The following CD99L2 variants were observed in gnomAD, a reference collection of about 807,000 sequenced individuals.
The protein encoded by CD99L2 is CD99 molecule like 2, also known as CD99 antigen-like protein 2.
In CD99L2, 24 loss-of-function variants were observed where a neutral mutation model predicts 27.3. That is an observed-to-expected ratio of 0.88 (90% CI 0.64 to 1.24). CD99L2 has a LOEUF of 1.24. CD99L2 is among the 50% of genes most tolerant of loss of function. The probability of loss-of-function intolerance (pLI) is 0.00; values close to 1 mark genes in which losing one functional copy is unlikely to be tolerated. For synonymous variants in CD99L2, 97 were observed against 87.9 expected (o/e 1.10, Z -0.58); for missense variants, 255 against 221.6 (o/e 1.15, Z -0.96).
intron 2 of CD99L2, among the ~76,000 whole-genome samples, chrX:150,818,310 T>C (rs182315385): frequency 2.9e-4 from 31 of 108,120 alleles, no homozygotes; most frequent in Non-Finnish European, 5.0e-4. Context: ...TCTACTCAAG[T>C]GCATGTGAAA....
intron 1 of CD99L2, among the ~76,000 whole-genome samples, chrX:150,894,578 T>C (rs1308206116): frequency 1.0e-5 from 1 of 99,148 alleles, no homozygotes; most frequent in Non-Finnish European, 1.9e-5. Flanking sequence ...GTTTTGTGTG[T>C]GTGTGTGTGT....
rs782154388 is a variant in CD99L2 at position 150,769,049 on chromosome X, T to G, written c.774A>C (p.Glu258Asp). 3.5e-6 allele frequency: 4 copies of G among 1,155,186 alleles called. No homozygotes were observed. The African/African-American group carries it at 7.5e-5, about 22-fold the overall frequency. The change falls in exon 11 of 11, where the codon GAA becomes GAC. Residue 258 changes from glutamate (E) to aspartate (D), a missense_variant. Physicochemically the swap from Glu to Asp is conservative, Grantham distance 45. Transcript: ENST00000370377. ...TQSAEPPPPP[E>D]PARI ...GACAGGGCCCTCAGATCCGGGCTGG[T>G]TCGGGCGGCGGCGGCGGCTCTGCAG...
At chrX:150,865,937 G>A (rs1039818535) in intron 1 of CD99L2, among the ~76,000 whole-genome samples, 32 of 111,267 alleles carry the variant, frequency 2.9e-4, no homozygotes, top group African/African-American at 9.8e-4. Context: ...CCTGGCCAAC[G>A]TAGTGAAAAC....
intron 1 of CD99L2, among the ~76,000 whole-genome samples, chrX:150,879,750 T>TTAAAAAAAAAA (rs1557422434): frequency 5.2e-5 from 1 of 19,388 alleles, no homozygotes; most frequent in Non-Finnish European, 8.6e-5. Flanking sequence ...CTACAAAAAC[T>TTAAAAAAAAAA]AAAAAAAAAA....
chrX:150,831,245 G>C lies in CD99L2; in HGVS notation c.116C>G (p.Thr39Ser). ...DFNLEDAVKE[T>S]SSVKQPWDHT... ...TTACTACTCACGCTTTACTGAGGAA[G>C]TTTCTTTCACTGCATCCTCCAGGTT... Residue 39 changes from threonine to serine, a missense_variant, in exon 2 of 11, where the codon ACT becomes AGT. Transcript: ENST00000370377. 1.7e-6 allele frequency: 2 copies of C among 1,204,273 alleles called. No homozygotes were observed. The highest frequency in any genetic ancestry group is 2.2e-6 in the Non-Finnish European group (2 of 890,874).
intron 4 of CD99L2, among the ~76,000 whole-genome samples, chrX:150,810,818 T>C (rs937294277): frequency 3.6e-5 from 4 of 111,963 alleles, no homozygotes; most frequent in African/African-American, 9.7e-5. Flanking sequence ...GGGAATATCA[T>C]TGACAAAAGT....
intron 4 of CD99L2, among the ~76,000 whole-genome samples, chrX:150,812,172 A>C (rs4828783): frequency 0.55 from 60,135 of 108,380 alleles, 15,267 homozygotes; most frequent in East Asian, 0.89. Context: ...GACACACACA[A>C]AAAAAAGTAT....
intron 2 of CD99L2, among the ~76,000 whole-genome samples, chrX:150,820,026 T>C (rs2046221872): frequency 8.9e-6 from 1 of 111,753 alleles, no homozygotes; most frequent in Non-Finnish European, 1.9e-5. Flanking sequence ...GCCAGTAGTA[T>C]GTTAATACCG....
rs2043339486 is a variant in CD99L2, at chrX:150,767,982, G to C, written c.*1052C>G. 8.9e-6 allele frequency: 1 copy of C among 112,130 alleles called. No individual in the cohort carries two copies. Among genetic ancestry groups the C allele is most frequent in the South Asian group, 3.7e-4 (1 of 2,712 alleles). 9.2% of individuals were successfully genotyped at this position (112,130 alleles called of 1,213,427 possible). A position where few individuals can be genotyped will look rare whatever the true frequency, so the allele number is the denominator to read the frequency against. The stretch of plus-strand genomic sequence containing the variant: ...TCCTGTGTTTGCCACGGTGAGCATG[G>C]CTCCCCACGCACTCTCCCTCAGAGC... On this transcript the variant is annotated 3_prime_UTR_variant, in exon 11 of 11. Coordinates refer to ENST00000370377, the MANE Select transcript of CD99L2 (RefSeq NM_031462.4).
At chrX:150,779,006 T>C (rs2045465259) in intron 7 of CD99L2, among the ~76,000 whole-genome samples, 1 of 111,554 alleles carries the variant, frequency 9.0e-6, no homozygotes, top group African/African-American at 3.3e-5. Context: ...TGCTAATGTA[T>C]TCATGTCACT....
At chrX:150,802,963 T>C (rs1283547674) in intron 4 of CD99L2, among the ~76,000 whole-genome samples, 29 of 86,671 alleles carry the variant, frequency 3.3e-4, no homozygotes, top group African/African-American at 1.2e-3. Context: ...TAGCGAGATC[T>C]CAGCTCACTG....
At chrX:150,770,235 A>T in intron 10 of CD99L2, 69 bp downstream of exon 10, 1 of 1,025,513 alleles carries the variant, frequency 9.8e-7, no homozygotes, top group Non-Finnish European at 1.4e-6. Context: ...CTTCTCTAGC[A>T]CAGTTCTGCT....
Position 150,769,062 on chromosome X carries a change from G to A in CD99L2, c.761C>T (p.Pro254Leu), listed in dbSNP as rs2043362188. 23 of 1,158,453 alleles carry A rather than the reference G, an allele frequency of 2.0e-5. No individual in the cohort carries two copies. The East Asian group carries it at 2.3e-4, about 12-fold the overall frequency. The change falls in exon 11 of 11, where the codon CCG (proline) becomes CTG (leucine). Residue 254 changes from proline to leucine, a missense_variant. By Grantham distance (98) the Pro-to-Leu change is moderately conservative (BLOSUM62 -3). Coordinates refer to ENST00000370377, the MANE Select transcript of CD99L2 (RefSeq NM_031462.4). The part of the protein sequence containing the change: ...STLHTQSAEP[P>L]PPPEPARI ...GATCCGGGCTGGTTCGGGCGGCGGC[G>A]GCGGCTCTGCAGACTGCGTGTGCAA...
At chrX:150,851,432 C>CA (rs1557421601) in intron 1 of CD99L2, among the ~76,000 whole-genome samples, 241 of 112,166 alleles carry the variant, frequency 2.1e-3, no homozygotes, top group African/African-American at 7.4e-3. Flanking sequence ...GGAGCTGAGG[C>CA]TCAGATAGAT....
intron 7 of CD99L2, among the ~76,000 whole-genome samples, chrX:150,778,683 A>ATATATATATATAT (rs1557419363): frequency 1.5e-4 from 4 of 27,207 alleles, no homozygotes; most frequent in African/African-American, 3.1e-4. Flanking sequence ...TAAAAAAAAA[A>ATATATATATATAT]AAATATATAT....
In CD99L2 at chrX:150,898,614, G is replaced by C; in HGVS notation, c.-26C>G. ...GGCTGGGAGCAGGCGGAGGGCCCCGGAGGAGCACAGTTAGCGCGAGAGCGC... is the reference window on the plus strand; with the variant it reads ...GGCTGGGAGCAGGCGGAGGGCCCCGCAGGAGCACAGTTAGCGCGAGAGCGC... On this transcript the variant is annotated 5_prime_UTR_variant, in exon 1 of 11. Coordinates refer to ENST00000370377, the MANE Select transcript of CD99L2 (RefSeq NM_031462.4). 4.6e-6 allele frequency: 5 copies of C among 1,085,610 alleles called. No homozygotes were observed. The highest frequency in any genetic ancestry group is 6.0e-6 in the Non-Finnish European group (5 of 836,780). The allele number at this position is 1,085,610 out of a possible 1,213,427, so 89.5% of individuals were successfully genotyped here. A position where few individuals can be genotyped will look rare whatever the true frequency, so the allele number is the denominator to read the frequency against.
rs199541136 is a variant in CD99L2 at position 150,867,011 on chromosome X, GT to G, written c.67+31510del. On this transcript the variant is annotated intron_variant, in intron 1 of 10. Transcript: ENST00000370377. ...CCTATTTCATCCTACTCATCAGCCT[GT>G]TTTTTTTGTTTTCTAGTTTTTCCAA... 4.0e-3 allele frequency among the ~76,000 whole-genome samples: 443 copies of G among 111,005 alleles called. 4 individuals carry two copies. The highest frequency in any genetic ancestry group is 0.013 in the African/African-American group (406 of 30,639).
chrX:150,792,772 G>A (rs1557419749), intron 7 of CD99L2, among the ~76,000 whole-genome samples: 1 of 112,131 alleles, frequency 8.9e-6, no homozygotes, highest in Admixed American at 9.5e-5. Context: ...ATAATCACAA[G>A]TTACAATCAC....
At chrX:150,787,939 T>C in intron 7 of CD99L2, among the ~76,000 whole-genome samples, 1 of 93,858 alleles carries the variant, frequency 1.1e-5, no homozygotes, top group East Asian at 3.5e-4. Context: ...AGGAGTCCTT[T>C]CCCCACTGCT....
Sources: allele counts gnomAD v4.1 joint callset (sites outside exome capture counted in the v4.1 genomes callset), GRCh38; gene constraint gnomAD v4.1.1; transcripts MANE v1.5; gene names NCBI Gene and HGNC (gene_info 2026-07-23, HGNC 2026-07-21).